The following SLC41A2 variants were observed in gnomAD, a reference collection of about 807,000 sequenced individuals.
SLC41A2 encodes SLC41A1-like 1.
A neutral mutation model predicts 58.3 loss-of-function variants in SLC41A2; 32 were observed. The ratio of observed to expected loss-of-function variants is 0.55; its 90% CI spans 0.41 to 0.74. The LOEUF is 0.74. Among genes scored for constraint, SLC41A2 ranks in the 30% least tolerant of loss-of-function variants. The probability of loss-of-function intolerance (pLI) is 0.00; values close to 1 mark genes in which losing one functional copy is unlikely to be tolerated. For missense variants in SLC41A2, 514 were observed against 680.6 expected, an observed-to-expected ratio of 0.76 and a Z score of 2.72; for synonymous variants, 190 against 235.0, an observed-to-expected ratio of 0.81 and a Z score of 1.75.
intron 1 of SLC41A2, among the ~76,000 whole-genome samples, chr12:104,948,107 T>C (rs2047799361): frequency 6.6e-6 from 1 of 152,212 alleles, no homozygotes; most frequent in African/African-American, 2.4e-5. Flanking sequence ...CAGGCTAATG[T>C]AGTAGATATA....
chr12:104,957,129 C>A (rs1385819427), intron 1 of SLC41A2, among the ~76,000 whole-genome samples: 1 of 152,186 alleles, frequency 6.6e-6, no homozygotes, highest in Non-Finnish European at 1.5e-5. Flanking sequence ...AAACTGGAAA[C>A]AACCCAAATG....
In SLC41A2 at chr12:104,806,441, C is replaced by T. The variant is rs1265388411; in HGVS notation, c.1537-1104G>A. ...AGTATTCCATGGTGTATATGTGCCA[C>T]ATTTTCTTAATCCAGTCTATCATTG... On this transcript the variant is annotated intron_variant, in intron 10 of 10. Transcript: ENST00000258538. 1.2e-4 allele frequency among the ~76,000 whole-genome samples: 18 copies of T among 152,284 alleles called. No homozygotes were observed. The South Asian group carries it at 3.1e-3, about 26-fold the overall frequency.
At chr12:104,840,170 T>G (rs2042360876) in intron 10 of SLC41A2, among the ~76,000 whole-genome samples, 1 of 152,216 alleles carries the variant, frequency 6.6e-6, no homozygotes, top group Non-Finnish European at 1.5e-5. Flanking sequence ...AGGCCAGCAA[T>G]GCCCATCCAA....
chr12:104,914,996 T>G (rs1230874551), intron 2 of SLC41A2, among the ~76,000 whole-genome samples: 1 of 152,236 alleles, frequency 6.6e-6, no homozygotes, highest in Admixed American at 6.5e-5. Context: ...CATGATCCAG[T>G]ATGTGCTCTG....
At position 104,928,431 on chromosome 12, in the gene SLC41A2, T is replaced by C; in HGVS notation, c.97A>G (p.Ile33Val). The C allele has an allele frequency of 1.3e-6, 2 of 1,553,114 alleles. No homozygotes were observed. The highest frequency in any genetic ancestry group is 1.7e-6 in the Non-Finnish European group (2 of 1,147,472). Residue 33 changes from isoleucine to valine, a missense_variant, in exon 2 of 11, where the codon ATT becomes GTT. By Grantham distance (29) the Ile-to-Val change is conservative. Around this residue, in one of 3 missense-constraint regions of SLC41A2, gnomAD observed 336 missense variants for 430.0 expected, o/e 0.78. Transcript: ENST00000258538. Reference protein sequence around the residue: ...FVDWTLRLNTIQSDKFLNLLL... With the variant: ...FVDWTLRLNTVQSDKFLNLLL... ...AAATTTAAAAACTTGTCGGATTGAA[T>C]TGTGTTTAAACGTAAAGTCCAATCT...
chr12:104,924,980 G>A (rs1023517471), intron 2 of SLC41A2, among the ~76,000 whole-genome samples: 1 of 152,012 alleles, frequency 6.6e-6, no homozygotes, highest in African/African-American at 2.4e-5. Context: ...AAACTATGTT[G>A]TTTAGGGATA....
At chr12:104,886,919 G>A (rs778175624) in intron 5 of SLC41A2, among the ~76,000 whole-genome samples, 16 of 151,974 alleles carry the variant, frequency 1.1e-4, no homozygotes, top group Non-Finnish European at 2.4e-4. Flanking sequence ...ACTTAAAGAC[G>A]TTGAAGTATT....
At chr12:104,931,716 C>G (rs1194596531) in intron 1 of SLC41A2, 1 of 152,236 alleles carries the variant, frequency 6.6e-6, no homozygotes, top group Non-Finnish European at 1.5e-5. Flanking sequence ...ACTGTGTCTT[C>G]CTCCTCACAA....
intron 8 of SLC41A2, among the ~76,000 whole-genome samples, chr12:104,853,926 T>TTTTTTA (rs1565842745): frequency 1.3e-4 from 15 of 118,848 alleles, no homozygotes; most frequent in African/African-American, 4.3e-4. Flanking sequence ...TTTTTTTTTT[T>TTTTTTA]TTTTTTTTTT....
At chr12:104,903,474 C>T (rs1786007398) in intron 3 of SLC41A2, among the ~76,000 whole-genome samples, 1 of 152,178 alleles carries the variant, frequency 6.6e-6, no homozygotes, top group South Asian at 2.1e-4. Flanking sequence ...GTATCAGAAT[C>T]ATCTGGAGAG....
At chr12:104,908,761 C>T (rs7303811) in intron 3 of SLC41A2, among the ~76,000 whole-genome samples, 1 of 152,054 alleles carries the variant, frequency 6.6e-6, no homozygotes, top group Non-Finnish European at 1.5e-5. Flanking sequence ...CTGCTACTGG[C>T]AGTATTTTTT....
At chr12:104,909,789 T>G (rs745492737) in intron 2 of SLC41A2, 27 bp from the exon 3 acceptor site, 2 of 1,457,292 alleles carry the variant, frequency 1.4e-6, no homozygotes, top group Non-Finnish European at 1.9e-6. Context: ...AAAATAAAAT[T>G]TTCTGGCACT....
intron 1 of SLC41A2, among the ~76,000 whole-genome samples, chr12:104,955,101 C>A (rs2048111034): frequency 6.7e-6 from 1 of 149,464 alleles, no homozygotes; most frequent in Non-Finnish European, 1.5e-5. Context: ...CAACTTCCAC[C>A]ACCTCCTGGG....
intron 3 of SLC41A2, among the ~76,000 whole-genome samples, chr12:104,900,966 G>A (rs932258222): frequency 2.6e-5 from 4 of 152,116 alleles, no homozygotes; most frequent in Non-Finnish European, 4.4e-5. Context: ...TGTTTTGTTC[G>A]TTACTGATCT....
chr12:104,955,016 CTTTT>C lies in SLC41A2; in HGVS notation c.-168+3068_-168+3071del, dbSNP rs375969264. ...AACAGCCCCTGACTCTTGGCCCTTGCTTTTTTTTTTTTTTTTTTTTTTTTGAGTT... is the reference window on the plus strand; with the variant it reads ...AACAGCCCCTGACTCTTGGCCCTTGCTTTTTTTTTTTTTTTTTTTTGAGTT... On this transcript the variant is annotated intron_variant, in intron 1 of 10. Transcript: ENST00000258538. Among the ~76,000 whole-genome samples the C allele has an allele frequency of 7.1e-3, 558 of 79,138 alleles. 3 individuals are homozygous for C. Among genetic ancestry groups the C allele is most frequent in the African/African-American group, 0.027 (520 of 19,216 alleles). 51.9% of individuals were successfully genotyped at this position (79,138 alleles called of 152,430 possible). A position where few individuals can be genotyped will look rare whatever the true frequency, so the allele number is the denominator to read the frequency against.
intron 10 of SLC41A2, among the ~76,000 whole-genome samples, chr12:104,820,420 T>C (rs1258180191): frequency 1.3e-5 from 2 of 152,332 alleles, no homozygotes; most frequent in East Asian, 3.9e-4. Flanking sequence ...GCTATAATCA[T>C]GCTACTGCAC....
At chr12:104,817,999 A>C (rs1265607954) in intron 10 of SLC41A2, among the ~76,000 whole-genome samples, 1 of 152,224 alleles carries the variant, frequency 6.6e-6, no homozygotes, top group Non-Finnish European at 1.5e-5. Flanking sequence ...ATCACAAAAA[A>C]ATGATAATTT....
chr12:104,898,786 C>T (rs908733579), intron 3 of SLC41A2, among the ~76,000 whole-genome samples: 1 of 152,014 alleles, frequency 6.6e-6, no homozygotes, highest in Non-Finnish European at 1.5e-5. Context: ...TAAAACTCAA[C>T]AATAACAAAC....
chr12:104,935,412 G>T (rs577041762), intron 1 of SLC41A2, among the ~76,000 whole-genome samples: 5 of 151,928 alleles, frequency 3.3e-5, no homozygotes, highest in Non-Finnish European at 5.9e-5. Flanking sequence ...TATCTTGATT[G>T]AATATTTTCT....
Sources: gnomAD v4.1 joint callset for allele counts (sites outside exome capture counted in the v4.1 genomes callset) on GRCh38, gnomAD v4.1.1 for gene constraint, gnomAD v4.1.1 regional missense constraint, MANE v1.5 for transcripts, NCBI Gene and HGNC (gene_info 2026-07-23, HGNC 2026-07-21) for gene names.